The following FBXO25 variants were observed in gnomAD, a reference collection of about 807,000 sequenced individuals.
FBXO25 encodes F-box protein 25.
In FBXO25, 45 loss-of-function variants were observed where a neutral mutation model predicts 51.9. The ratio of observed to expected loss-of-function variants is 0.87; its 90% CI spans 0.68 to 1.11. FBXO25 has a LOEUF of 1.11. Among genes scored for constraint, FBXO25 ranks in the 50% most tolerant of loss-of-function variants. The pLI is 0.00. For missense variants in FBXO25, 507 were observed against 428.5 expected, an observed-to-expected ratio of 1.18 and a Z score of -1.62; for synonymous variants, 199 against 151.0, an observed-to-expected ratio of 1.32 and a Z score of -2.33.
At chr8:434,713 T>C (rs1356418303) in intron 4 of FBXO25, among the ~76,000 whole-genome samples, 1 of 152,214 alleles carries the variant, frequency 6.6e-6, no homozygotes, top group Non-Finnish European at 1.5e-5. Flanking sequence ...CATGAAAATC[T>C]GTAGATTTTA....
At position 473,551 on chromosome 8, in the gene FBXO25, A is replaced by G. The variant is rs531203629; in HGVS notation, c.*4747A>G. The G allele has an allele frequency of 3.3e-5, 5 of 152,240 alleles. No individual in the cohort carries two copies. In the South Asian group the frequency reaches 1.0e-3, roughly 32 times the overall value. 9.4% of individuals were successfully genotyped at this position (152,240 alleles called of 1,614,324 possible). Reference sequence around the variant, plus strand: ...TAACCCTCCTAGTTGTCCTTTTTGTACTTGGTCCTCTTCCTTCCAATCCTC... The same window carrying G: ...TAACCCTCCTAGTTGTCCTTTTTGTGCTTGGTCCTCTTCCTTCCAATCCTC... On this transcript the variant is annotated 3_prime_UTR_variant, in exon 10 of 10. Coordinates refer to ENST00000350302, the MANE Select transcript of FBXO25 (RefSeq NM_183420.2).
At chr8:467,436 C>G (rs1317632207) in intron 9 of FBXO25, among the ~76,000 whole-genome samples, 1 of 152,172 alleles carries the variant, frequency 6.6e-6, no homozygotes, top group Non-Finnish European at 1.5e-5. Flanking sequence ...GCACTGCAGC[C>G]TCATTAGTTG....
In FBXO25 at chr8:475,818, A is replaced by AT. The variant is rs1171855354; in HGVS notation, c.*7015dup. 1 of 152,188 alleles carries AT rather than the reference A, an allele frequency of 6.6e-6. No individual in the cohort carries two copies. Among genetic ancestry groups the AT allele is most frequent in the Non-Finnish European group, 1.5e-5 (1 of 68,018 alleles). 9.4% of individuals were successfully genotyped at this position (152,188 alleles called of 1,614,324 possible). A position where few individuals can be genotyped will look rare whatever the true frequency, so the allele number is the denominator to read the frequency against. On this transcript the variant is annotated 3_prime_UTR_variant, in exon 10 of 10. Transcript: ENST00000350302. Reference sequence around the variant, plus strand: ...GTATGGACACTAGGATTTTCTACATATAAGATCATGTCATCTGCAAACAGA... The same window carrying AT: ...GTATGGACACTAGGATTTTCTACATATTAAGATCATGTCATCTGCAAACAGA...
In FBXO25 at chr8:473,197, G is replaced by C. The variant is rs575940998; in HGVS notation, c.*4393G>C. ...GGCAGACCCTCAACTTTGGAAAGCA[G>C]TGTCCCCCCGCGTCCCATGGGCTAA... On this transcript the variant is annotated 3_prime_UTR_variant, in exon 10 of 10. Coordinates refer to ENST00000350302, the MANE Select transcript of FBXO25 (RefSeq NM_183420.2). The C allele has an allele frequency of 6.6e-6, 1 of 152,312 alleles. No individual in the cohort carries two copies. The highest frequency in any genetic ancestry group is 2.1e-4 in the South Asian group (1 of 4,830). 9.4% of individuals were successfully genotyped at this position (152,312 alleles called of 1,614,324 possible). A position where few individuals can be genotyped will look rare whatever the true frequency, so the allele number is the denominator to read the frequency against.
At chr8:450,459 A>G (rs1799008269) in intron 6 of FBXO25, among the ~76,000 whole-genome samples, 1 of 152,232 alleles carries the variant, frequency 6.6e-6, no homozygotes, top group Admixed American at 6.5e-5. Flanking sequence ...TTTCTAATTT[A>G]ATGAGCTTGC....
chr8:464,292 C>G (rs1486787486), intron 9 of FBXO25, among the ~76,000 whole-genome samples: 2 of 152,194 alleles, frequency 1.3e-5, no homozygotes, highest in African/African-American at 4.8e-5. Context: ...AATATTATTT[C>G]ACCCTGGAGT....
At chr8:463,292 T>C in intron 9 of FBXO25, 142 bp downstream of exon 9, 2 of 942,214 alleles carry the variant, frequency 2.1e-6, no homozygotes, top group Non-Finnish European at 3.2e-6. Context: ...TTACCAAATA[T>C]TGGGGTAGGG....
At chr8:463,976 G>A (rs890250453) in intron 9 of FBXO25, among the ~76,000 whole-genome samples, 1 of 151,592 alleles carries the variant, frequency 6.6e-6, no homozygotes, top group African/African-American at 2.4e-5. Flanking sequence ...TTTTTTGTTT[G>A]TTTTTTTGAA....
chr8:427,200 T>C (rs1310089957), intron 2 of FBXO25, among the ~76,000 whole-genome samples: 6 of 151,972 alleles, frequency 3.9e-5, no homozygotes, highest in African/African-American at 1.2e-4. Context: ...AGATTGTAGC[T>C]CCCTTCCGGG....
intron 9 of FBXO25, 81 bp downstream of exon 9, chr8:463,231 A>G: frequency 6.7e-7 from 1 of 1,482,486 alleles, no homozygotes; most frequent in Non-Finnish European, 9.3e-7. Context: ...TAAGTATAAG[A>G]CTAAAAAGCG....
At chr8:410,891 C>T (rs1386862899) in intron 1 of FBXO25, among the ~76,000 whole-genome samples, 1 of 152,208 alleles carries the variant, frequency 6.6e-6, no homozygotes, top group African/African-American at 2.4e-5. Context: ...ATTACTTCAT[C>T]ATTTCCTACA....
At chr8:440,240 C>G (rs1798344047) in intron 5 of FBXO25, among the ~76,000 whole-genome samples, 1 of 152,210 alleles carries the variant, frequency 6.6e-6, no homozygotes, top group Non-Finnish European at 1.5e-5. Flanking sequence ...TAGCATCTAC[C>G]TCAGAGCACT....
At chr8:429,975 C>T (rs1418114275) in intron 2 of FBXO25, among the ~76,000 whole-genome samples, 17 of 152,358 alleles carry the variant, frequency 1.1e-4, no homozygotes, top group Admixed American at 8.5e-4. Context: ...TTGGTTCCAG[C>T]TCAGTGTGTC....
intron 5 of FBXO25, among the ~76,000 whole-genome samples, chr8:439,854 G>C (rs1390669531): frequency 6.6e-6 from 1 of 152,236 alleles, no homozygotes; most frequent in Non-Finnish European, 1.5e-5. Flanking sequence ...GATAACTTGA[G>C]CCCAGGAGTT....
intron 5 of FBXO25, among the ~76,000 whole-genome samples, chr8:439,495 C>T (rs1309359930): frequency 1.3e-5 from 2 of 152,248 alleles, no homozygotes; most frequent in Non-Finnish European, 2.9e-5. Flanking sequence ...GTACTTCATT[C>T]TCTGCCTGTG....
intron 8 of FBXO25, among the ~76,000 whole-genome samples, chr8:462,220 C>G (rs922445743): frequency 6.6e-6 from 1 of 152,196 alleles, no homozygotes; most frequent in African/African-American, 2.4e-5. Context: ...CATTCCATTT[C>G]CCTGATGACT....
intron 8 of FBXO25, among the ~76,000 whole-genome samples, chr8:461,553 C>T (rs1799813487): frequency 6.6e-6 from 1 of 152,204 alleles, no homozygotes; most frequent in Non-Finnish European, 1.5e-5. Flanking sequence ...CCCACCGGGT[C>T]CCTCCCACGG....
chr8:452,001 TTTTA>T (rs1359255448), intron 7 of FBXO25, among the ~76,000 whole-genome samples: 3 of 152,220 alleles, frequency 2.0e-5, no homozygotes, highest in Admixed American at 2.0e-4. Context: ...TTAGATAGTG[TTTTA>T]TTTAACTCTA....
At chr8:425,705 C>T (rs1159578066) in intron 2 of FBXO25, among the ~76,000 whole-genome samples, 2 of 151,562 alleles carry the variant, frequency 1.3e-5, no homozygotes, top group African/African-American at 2.4e-5. Flanking sequence ...TATATTTTCC[C>T]AGCCTTTTAT....
Sources: allele counts gnomAD v4.1 joint callset (sites outside exome capture counted in the v4.1 genomes callset), GRCh38; gene constraint gnomAD v4.1.1; transcripts MANE v1.5; gene names NCBI Gene and HGNC (gene_info 2026-07-23, HGNC 2026-07-21).